SPATA21: variants seen among roughly 807,000 people sequenced by gnomAD.
SPATA21 encodes the protein spermatogenesis associated 21.
In SPATA21, 47 loss-of-function variants were observed where a neutral mutation model predicts 54.8. The ratio of observed to expected loss-of-function variants is 0.86; its 90% CI spans 0.68 to 1.09. SPATA21 has a LOEUF of 1.09. Ranked by LOEUF, SPATA21 falls within the 50% of genes least tolerant of loss-of-function variation. SPATA21 has a pLI of 0.00. For synonymous variants in SPATA21, 245 were observed against 235.3 expected, an observed-to-expected ratio of 1.04 and a Z score of -0.38; for missense variants, 599 against 596.4, an observed-to-expected ratio of 1.00 and a Z score of -0.05.
At chr1:16,410,191 C>T (rs1325111060) in intron 5 of SPATA21, 148 bp from the exon 6 acceptor site, 2 of 626,732 alleles carry the variant, frequency 3.2e-6, no homozygotes, top group African/African-American at 1.9e-5. Flanking sequence ...CACATGCACC[C>T]CACTGTGCTC....
Position 16,409,002 on chromosome 1 carries a change from A to T in SPATA21, c.673+116T>A. ...GCAGAAAACCCCTGCTGGGTCTGCT[A>T]CACATGGCGGCAGCCATGTGATCTG... is the stretch of plus-strand genomic sequence containing the variant. On this transcript the variant is annotated intron_variant, in intron 7 of 12. Transcript: ENST00000335496. This position sits in a 1 kb window ranked among gnomAD's most constrained non-coding sequence, Gnocchi z 4.1. 9.3e-7 allele frequency: 1 copy of T among 1,079,584 alleles called. No individual in the cohort carries two copies. The highest frequency in any genetic ancestry group is 1.4e-6 in the Non-Finnish European group (1 of 728,408). 66.9% of individuals were successfully genotyped at this position (1,079,584 alleles called of 1,614,324 possible).
intron 1 of SPATA21, among the ~76,000 whole-genome samples, chr1:16,435,898 T>C (rs2086574865): frequency 6.6e-6 from 1 of 152,238 alleles, no homozygotes. Flanking sequence ...TCTCCCATTA[T>C]GTGGATTACA....
intron 7 of SPATA21, among the ~76,000 whole-genome samples, chr1:16,405,363 G>A (rs539107643): frequency 3.1e-4 from 47 of 151,996 alleles, no homozygotes; most frequent in African/African-American, 9.7e-4. Flanking sequence ...TTAGCTGGGC[G>A]TGGCGGTGCA....
intron 7 of SPATA21, among the ~76,000 whole-genome samples, chr1:16,406,573 T>C (rs1409315033): frequency 7.7e-6 from 1 of 130,274 alleles, no homozygotes; most frequent in Non-Finnish European, 1.8e-5. Context: ...AGACTCCATC[T>C]CTACAAAAAA....
At chr1:16,425,724 G>C (rs1205373642) in intron 3 of SPATA21, 1 of 1,548,160 alleles carries the variant, frequency 6.5e-7, no homozygotes, top group East Asian at 2.5e-5. Flanking sequence ...CAAGAGGGCT[G>C]TTTCTTCCTG....
intron 1 of SPATA21, among the ~76,000 whole-genome samples, chr1:16,433,309 A>C (rs1259733667): frequency 6.6e-6 from 1 of 152,156 alleles, no homozygotes; most frequent in African/African-American, 2.4e-5. Context: ...AGCAGACCTC[A>C]GCTGGTTTGG....
At chr1:16,411,555 G>C (rs10907227) in intron 5 of SPATA21, among the ~76,000 whole-genome samples, 54,493 of 151,840 alleles carry the variant, frequency 0.36, 10,215 homozygotes, top group Non-Finnish European at 0.4. Flanking sequence ...CTTTGGGAGG[G>C]CGAGGCAGGC....
chr1:16,408,530 TCA>T, intron 7 of SPATA21: 1 of 985,812 alleles, frequency 1.0e-6, no homozygotes, highest in Non-Finnish European at 1.2e-6. Flanking sequence ...TGTCATTCTC[TCA>T]GAGAGGCAGC....
rs369375807 is a variant in SPATA21 at position 16,402,552 on chromosome 1, T to C, written c.1001+1175A>G. On this transcript the variant is annotated intron_variant, in intron 10 of 12. Coordinates refer to ENST00000335496, the MANE Select transcript of SPATA21 (RefSeq NM_198546.1). ...CTGGGATTACAGGCATGAGCCACCA[T>C]GCCTGGCTTTTCTTTTTTTTAAGAG... Among the ~76,000 whole-genome samples the C allele has an allele frequency of 6.2e-5, 9 of 146,298 alleles. No individual in the cohort carries two copies. The East Asian group carries it at 9.4e-4, about 15-fold the overall frequency.
Position 16,409,067 on chromosome 1 carries a change from G to A in SPATA21, c.673+51C>T. The A allele has an allele frequency of 6.3e-7, 1 of 1,599,674 alleles. No individual in the cohort carries two copies. Among genetic ancestry groups the A allele is most frequent in the Non-Finnish European group, 8.6e-7 (1 of 1,167,500 alleles). ...CCGCCCTGCGCCTATAAACCCCCAAGGACCAAGGGTCCTGCCTGTGCTGGG... is the reference window on the plus strand; with the variant it reads ...CCGCCCTGCGCCTATAAACCCCCAAAGACCAAGGGTCCTGCCTGTGCTGGG... On this transcript the variant is annotated intron_variant, in intron 7 of 12. Coordinates refer to ENST00000335496, the MANE Select transcript of SPATA21 (RefSeq NM_198546.1). The surrounding 1 kb of genome is among the most constrained non-coding windows in gnomAD (Gnocchi z 4.1).
intron 10 of SPATA21, among the ~76,000 whole-genome samples, chr1:16,402,249 C>CTTTTTTTTTTTTTTTT (rs869032281): frequency 3.6e-5 from 2 of 55,946 alleles, no homozygotes; most frequent in Non-Finnish European, 5.9e-5. Flanking sequence ...AGCTGCCATT[C>CTTTTTTTTTTTTTTTT]TTTTTTTTTT....
chr1:16,428,077 A>T lies in SPATA21; in HGVS notation c.34+3261T>A. 6.7e-7 allele frequency: 1 copy of T among 1,500,052 alleles called. No individual in the cohort carries two copies. Among genetic ancestry groups the T allele is most frequent in the East Asian group, 2.5e-5 (1 of 39,264 alleles). 92.9% of individuals were successfully genotyped at this position (1,500,052 alleles called of 1,614,324 possible). A position where few individuals can be genotyped will look rare whatever the true frequency, so the allele number is the denominator to read the frequency against. The stretch of plus-strand genomic sequence containing the variant: ...GGCATTGAGTACCCGTTCTGGAGTG[A>T]TCCCTCCCACTCCTCCCTGGGTACT... On this transcript the variant is annotated intron_variant, in intron 3 of 12. Coordinates refer to ENST00000335496, the MANE Select transcript of SPATA21 (RefSeq NM_198546.1). The surrounding 1 kb of genome is among the most constrained non-coding windows in gnomAD (Gnocchi z 4.3).
chr1:16,421,760 A>G lies in SPATA21; in HGVS notation c.95+151T>C. ...AGAATTCTGGTATTCCAGCCATTACACAGATGGGGAAATTGAGACCCAGCG... is the reference window on the plus strand; with the variant it reads ...AGAATTCTGGTATTCCAGCCATTACGCAGATGGGGAAATTGAGACCCAGCG... On this transcript the variant is annotated intron_variant, in intron 4 of 12. Transcript: ENST00000335496. This position sits in a 1 kb window ranked among gnomAD's most constrained non-coding sequence, Gnocchi z 5.2. 1 of 1,285,588 alleles carries G rather than the reference A, an allele frequency of 7.8e-7. No homozygotes were observed. The allele number at this position is 1,285,588 out of a possible 1,614,324, so 79.6% of individuals were successfully genotyped here. A position where few individuals can be genotyped will look rare whatever the true frequency, so the allele number is the denominator to read the frequency against.
chr1:16,413,655 C>T (rs1334527205), intron 5 of SPATA21, among the ~76,000 whole-genome samples: 1 of 152,018 alleles, frequency 6.6e-6, no homozygotes, highest in African/African-American at 2.4e-5. Flanking sequence ...CTCTTGTTGC[C>T]CAGGCTGGAG....
At position 16,421,932 on chromosome 1, in the gene SPATA21, C is replaced by G. The variant is rs761537330; in HGVS notation, c.74G>C (p.Gly25Ala). Residue 25 changes from glycine (G) to alanine (A), a missense_variant, in exon 4 of 13, where the codon GGA (glycine) becomes GCA (alanine). Transcript: ENST00000335496. This position sits in a 1 kb window ranked among gnomAD's most constrained non-coding sequence, Gnocchi z 5.2. The stretch of plus-strand genomic sequence containing the variant: ...TTACCCTCCTTTTGCTTTTTTAGGT[C>G]CAGGCGTGGATGGCAGGAAGGGGTT... ...TVNPFLPSTP[G>A]PKKAKGGGEA... 1.2e-6 allele frequency: 2 copies of G among 1,614,024 alleles called. No individual in the cohort carries two copies. The highest frequency in any genetic ancestry group is 1.7e-6 in the Non-Finnish European group (2 of 1,180,030).
intron 5 of SPATA21, among the ~76,000 whole-genome samples, chr1:16,411,895 C>T (rs72904140): frequency 0.13 from 19,122 of 151,632 alleles, 1,985 homozygotes; most frequent in African/African-American, 0.28. Flanking sequence ...TCCTTGAAAG[C>T]GTTGGCTGTC....
chr1:16,436,574 T>A (rs1285541226), intron 1 of SPATA21, among the ~76,000 whole-genome samples: 2 of 151,928 alleles, frequency 1.3e-5, no homozygotes, highest in African/African-American at 4.8e-5. Flanking sequence ...GAGATCACCC[T>A]GGCTAACATG....
chr1:16,409,736 G>A lies in SPATA21; in HGVS notation c.452C>T (p.Pro151Leu), dbSNP rs141389687. 1.1e-4 allele frequency: 173 copies of A among 1,611,104 alleles called. No individual in the cohort carries two copies. In the African/African-American group the frequency reaches 1.9e-3, roughly 18 times the overall value. Reference protein sequence around the residue: ...WARLPAPGPEPAPMGAPVPTS... With the variant: ...WARLPAPGPELAPMGAPVPTS... The stretch of plus-strand genomic sequence containing the variant: ...GGGGACCGGGGCTCCCATGGGGGCA[G>A]GTTCTGGCCCAGGAGCTGGCAGCCG... The change falls in exon 6 of 13, where the codon CCT becomes CTT. Residue 151 changes from proline to leucine, a missense_variant. Coordinates refer to ENST00000335496, the MANE Select transcript of SPATA21 (RefSeq NM_198546.1). The surrounding 1 kb of genome is among the most constrained non-coding windows in gnomAD (Gnocchi z 4.1).
rs139906428 is a variant in SPATA21, at chr1:16,421,592, G to A, written c.96-35C>T. On this transcript the variant is annotated intron_variant, in intron 4 of 12. Transcript: ENST00000335496. This position sits in a 1 kb window ranked among gnomAD's most constrained non-coding sequence, Gnocchi z 5.2. ...AGAGAAACCCCCAGGTGGGGGAAGC[G>A]CTCAGCTGAAGGTTTGCCCCCCTGC... 0.011 allele frequency: 17,415 copies of A among 1,601,574 alleles called. 126 individuals carry two copies. The highest frequency in any genetic ancestry group is 0.021 in the South Asian group (1,911 of 89,128).
Sources: allele counts gnomAD v4.1 joint callset (sites outside exome capture counted in the v4.1 genomes callset), GRCh38; gene constraint gnomAD v4.1.1; non-coding constraint Gnocchi (gnomAD v3.1); transcripts MANE v1.5; gene names NCBI Gene and HGNC (gene_info 2026-07-23, HGNC 2026-07-21).